Variants in CACNA2D2 observed in about 807,000 individuals in gnomAD.
CACNA2D2 encodes calcium voltage-gated channel auxiliary subunit alpha2delta 2, also known as voltage-dependent calcium channel subunit alpha-2/delta-2.
A neutral mutation model predicts 166.4 loss-of-function variants in CACNA2D2; 48 were observed. That is an observed-to-expected ratio of 0.29 (90% CI 0.23 to 0.37). CACNA2D2 has a LOEUF of 0.37. CACNA2D2 is among the 10% of genes least tolerant of loss of function. The pLI, the probability that CACNA2D2 is intolerant of heterozygous loss-of-function variation, is 1.00. For missense variants in CACNA2D2, 1,122 were observed against 1,433.0 expected (o/e 0.78, Z 3.50); for synonymous variants, 561 against 573.7 (o/e 0.98, Z 0.32).
At chr3:50,446,195 C>T (rs1269365321) in intron 2 of CACNA2D2, among the ~76,000 whole-genome samples, 4 of 152,242 alleles carry the variant, frequency 2.6e-5, no homozygotes, top group African/African-American at 9.6e-5. Context: ...GTGCCACCTC[C>T]TTGTTGCCAG....
At chr3:50,485,866 C>T (rs1336891181) in intron 1 of CACNA2D2, among the ~76,000 whole-genome samples, 4 of 152,308 alleles carry the variant, frequency 2.6e-5, no homozygotes, top group African/African-American at 4.8e-5. Context: ...CAAACAAGCC[C>T]GGGCCTCCCA....
At chr3:50,467,735 A>C (rs1219702109) in intron 2 of CACNA2D2, among the ~76,000 whole-genome samples, 1 of 152,192 alleles carries the variant, frequency 6.6e-6, no homozygotes, top group Non-Finnish European at 1.5e-5. Context: ...CCCTTGCCTC[A>C]GTCTCTCCCC....
At chr3:50,426,057 C>T (rs1168044702) in intron 3 of CACNA2D2, among the ~76,000 whole-genome samples, 1 of 152,160 alleles carries the variant, frequency 6.6e-6, no homozygotes, top group Non-Finnish European at 1.5e-5. Flanking sequence ...CCTGGCCTTC[C>T]CCTTTGCCCC....
At chr3:50,448,882 C>T (rs1224019987) in intron 2 of CACNA2D2, among the ~76,000 whole-genome samples, 1 of 152,184 alleles carries the variant, frequency 6.6e-6, no homozygotes, top group African/African-American at 2.4e-5. Context: ...ATTGATGGCG[C>T]AGGCTGCAAC....
chr3:50,443,286 G>A (rs981346461), intron 2 of CACNA2D2, among the ~76,000 whole-genome samples: 2 of 152,060 alleles, frequency 1.3e-5, no homozygotes, highest in Admixed American at 6.5e-5. Flanking sequence ...GCTCTCTCCC[G>A]CTGCCTCCCC....
At chr3:50,465,484 C>T (rs2107031714) in intron 2 of CACNA2D2, among the ~76,000 whole-genome samples, 1 of 152,254 alleles carries the variant, frequency 6.6e-6, no homozygotes, top group Admixed American at 6.5e-5. Context: ...AGCAGGTCTG[C>T]CTGCCAGGAG....
chr3:50,477,208 C>G (rs1183046881), intron 1 of CACNA2D2, among the ~76,000 whole-genome samples: 1 of 151,860 alleles, frequency 6.6e-6, no homozygotes, highest in Non-Finnish European at 1.5e-5. Flanking sequence ...GGATTATAGG[C>G]ATGAGCCACC....
intron 3 of CACNA2D2, among the ~76,000 whole-genome samples, chr3:50,397,672 T>G (rs1029634645): frequency 1.3e-5 from 2 of 152,226 alleles, no homozygotes; most frequent in East Asian, 3.8e-4. Flanking sequence ...CCTCAGCAGC[T>G]GCACATAGGC....
At chr3:50,451,173 T>C (rs1307978284) in intron 2 of CACNA2D2, among the ~76,000 whole-genome samples, 1 of 151,936 alleles carries the variant, frequency 6.6e-6, no homozygotes, top group Non-Finnish European at 1.5e-5. Context: ...TTGCCCAGGC[T>C]GGAGTGCAAT....
At chr3:50,384,085 T>C in intron 6 of CACNA2D2, 111 bp downstream of exon 6, 2 of 1,346,354 alleles carry the variant, frequency 1.5e-6, no homozygotes, top group Non-Finnish European at 1.0e-6. Flanking sequence ...TGTAGGAGGC[T>C]GGAGGTAGAT....
At chr3:50,410,868 T>TA (rs1706977392) in intron 3 of CACNA2D2, among the ~76,000 whole-genome samples, 2 of 152,154 alleles carry the variant, frequency 1.3e-5, no homozygotes, top group Admixed American at 1.3e-4. Flanking sequence ...GGCCTGGAGT[T>TA]AGAGAAGGAG....
At chr3:50,458,498 G>C (rs1029180020) in intron 2 of CACNA2D2, among the ~76,000 whole-genome samples, 1 of 152,120 alleles carries the variant, frequency 6.6e-6, no homozygotes, top group African/African-American at 2.4e-5. Context: ...AGACCAGCCC[G>C]GGCTTGCCTA....
At chr3:50,470,337 G>A (rs537706831) in intron 2 of CACNA2D2, among the ~76,000 whole-genome samples, 1 of 152,336 alleles carries the variant, frequency 6.6e-6, no homozygotes, top group South Asian at 2.1e-4. Context: ...AGCCACTGGG[G>A]TGGGGGAGGC....
At chr3:50,373,375 G>A (rs937414203) in intron 22 of CACNA2D2, among the ~76,000 whole-genome samples, 12 of 150,592 alleles carry the variant, frequency 8.0e-5, no homozygotes, top group East Asian at 7.9e-4. Context: ...CAGTGACCTC[G>A]GGCGTGGTGG....
chr3:50,419,096 G>A (rs748116333), intron 3 of CACNA2D2, among the ~76,000 whole-genome samples: 5 of 152,172 alleles, frequency 3.3e-5, no homozygotes, highest in Non-Finnish European at 5.9e-5. Context: ...GAGAGATTAT[G>A]GGAGGGGGAG....
intron 3 of CACNA2D2, among the ~76,000 whole-genome samples, chr3:50,408,580 T>C (rs2096345296): frequency 6.6e-6 from 1 of 152,204 alleles, no homozygotes; most frequent in Non-Finnish European, 1.5e-5. Context: ...GCCTCGACAC[T>C]TGGTTATTAC....
chr3:50,465,915 G>C (rs1422459108), intron 2 of CACNA2D2, among the ~76,000 whole-genome samples: 1 of 152,162 alleles, frequency 6.6e-6, no homozygotes, highest in African/African-American at 2.4e-5. Context: ...AAGTGCACTG[G>C]AGAATCACCT....
At chr3:50,480,103 C>G (rs1237593179) in intron 1 of CACNA2D2, among the ~76,000 whole-genome samples, 1 of 152,108 alleles carries the variant, frequency 6.6e-6, no homozygotes, top group Non-Finnish European at 1.5e-5. Context: ...CTCCATTTCC[C>G]AGACAAGAAA....
At chr3:50,471,938 TA>T (rs1710116990) in intron 2 of CACNA2D2, among the ~76,000 whole-genome samples, 1 of 152,142 alleles carries the variant, frequency 6.6e-6, no homozygotes. Context: ...TGGCTACCCA[TA>T]AGAAATGGAG....
Sources: allele counts gnomAD v4.1 joint callset (sites outside exome capture counted in the v4.1 genomes callset), GRCh38; gene constraint gnomAD v4.1.1; transcripts MANE v1.5; gene names NCBI Gene and HGNC (gene_info 2026-07-23, HGNC 2026-07-21).